Variants in EXOC4 observed in about 807,000 individuals in gnomAD.
The protein encoded by EXOC4 is exocyst complex component 4.
Under a neutral mutation model 107.2 loss-of-function variants are expected in EXOC4, and 71 were observed. The observed-to-expected ratio is 0.66, with a 90% CI of 0.55 to 0.81. EXOC4 has a LOEUF of 0.81. EXOC4 is among the 30% of genes least tolerant of loss of function. EXOC4 has a pLI of 0.00. For synonymous variants in EXOC4, 456 were observed against 441.2 expected (o/e 1.03, Z -0.42); for missense variants, 1,108 against 1,189.6 (o/e 0.93, Z 1.01).
Position 133,700,991 on chromosome 7 carries a change from A to T in EXOC4, c.1514+70850A>T, listed in dbSNP as rs1024002324. 2.2e-4 allele frequency among the ~76,000 whole-genome samples: 33 copies of T among 152,138 alleles called. 1 individual carries two copies. Among genetic ancestry groups the T allele is most frequent in the Admixed American group, 2.2e-3 (33 of 15,280 alleles). Reference sequence around the variant, plus strand: ...CCCTGTCTGTATCAAGAAAAAAAAAATATAATGTATTCTTACCTGGTGTAA... The same window carrying T: ...CCCTGTCTGTATCAAGAAAAAAAAATTATAATGTATTCTTACCTGGTGTAA... On this transcript the variant is annotated intron_variant, in intron 10 of 17. Transcript: ENST00000253861.
the EXOC4 span, among the ~76,000 whole-genome samples, chr7:134,086,594 T>A: frequency 1.3e-5 from 2 of 152,190 alleles, no homozygotes; most frequent in Non-Finnish European, 2.9e-5. Context: ...TTCAAAAATA[T>A]TTCCCTCTCA....
chr7:133,397,325 G>A (rs1471997166), intron 7 of EXOC4, among the ~76,000 whole-genome samples: 4 of 151,116 alleles, frequency 2.6e-5, no homozygotes, highest in Non-Finnish European at 5.9e-5. Flanking sequence ...GTAGAGAAGG[G>A]GTTTCTCCAT....
At chr7:133,876,063 G>T (rs902142170) in intron 11 of EXOC4, among the ~76,000 whole-genome samples, 7 of 152,154 alleles carry the variant, frequency 4.6e-5, no homozygotes, top group African/African-American at 1.7e-4. Flanking sequence ...TTCACAGATA[G>T]GTAGGTAGGC....
chr7:133,604,844 CTCCTGAG>C (rs1801901649), intron 9 of EXOC4, among the ~76,000 whole-genome samples: 1 of 150,694 alleles, frequency 6.6e-6, no homozygotes, highest in African/African-American at 2.4e-5. Context: ...CTGCCTCAGC[CTCCTGAG>C]TAGCTGGGAT....
At chr7:133,372,366 T>C (rs866624609) in intron 6 of EXOC4, among the ~76,000 whole-genome samples, 6 of 152,282 alleles carry the variant, frequency 3.9e-5, no homozygotes, top group Middle Eastern at 6.8e-3. Context: ...CTTTCCTTCC[T>C]CCCTGTGTAG....
chr7:133,708,436 T>C (rs1794815410), intron 10 of EXOC4, among the ~76,000 whole-genome samples: 1 of 152,192 alleles, frequency 6.6e-6, no homozygotes, highest in Non-Finnish European at 1.5e-5. Flanking sequence ...TAATTGACAT[T>C]GAATGGATTG....
At chr7:133,898,271 C>T (rs1799367375) in intron 12 of EXOC4, among the ~76,000 whole-genome samples, 1 of 151,856 alleles carries the variant, frequency 6.6e-6, no homozygotes, top group African/African-American at 2.4e-5. Flanking sequence ...TATAGTTTTT[C>T]AAAATTATTT....
chr7:133,558,009 C>A (rs1800727633), intron 9 of EXOC4, among the ~76,000 whole-genome samples: 2 of 151,976 alleles, frequency 1.3e-5, no homozygotes, highest in Non-Finnish European at 2.9e-5. Context: ...ACAAAAAACC[C>A]CAGCAAATAT....
chr7:133,323,241 A>G (rs188009050), intron 5 of EXOC4, among the ~76,000 whole-genome samples: 2 of 152,238 alleles, frequency 1.3e-5, no homozygotes, highest in East Asian at 1.9e-4. Flanking sequence ...AGAACTTCCA[A>G]TAGTATGTTG....
At position 133,503,194 on chromosome 7, in the gene EXOC4, ACT is replaced by A. The variant is rs1321724794; in HGVS notation, c.1417+23059_1417+23060del. 2.0e-5 allele frequency among the ~76,000 whole-genome samples: 3 copies of A among 151,788 alleles called. No individual in the cohort carries two copies. The East Asian group carries it at 5.8e-4, about 29-fold the overall frequency. On this transcript the variant is annotated intron_variant, in intron 9 of 17. Coordinates refer to ENST00000253861, the MANE Select transcript of EXOC4 (RefSeq NM_021807.4). The stretch of plus-strand genomic sequence containing the variant: ...GAGAATTGGTTGATAGTCTTGTGTG[ACT>A]CTGGTTTCTCTCATATTCTCCTAGC...
intron 7 of EXOC4, among the ~76,000 whole-genome samples, chr7:133,408,742 A>G (rs1797285748): frequency 6.6e-6 from 1 of 152,160 alleles, no homozygotes; most frequent in Non-Finnish European, 1.5e-5. Context: ...ACCAAAGTCC[A>G]CATACTTCAC....
chr7:133,879,505 A>G (rs1010140328), intron 11 of EXOC4, among the ~76,000 whole-genome samples: 1 of 152,222 alleles, frequency 6.6e-6, no homozygotes, highest in Non-Finnish European at 1.5e-5. Context: ...GAAAGATAGC[A>G]CAAATGCATA....
At chr7:133,757,623 T>C (rs1470874783) in intron 10 of EXOC4, among the ~76,000 whole-genome samples, 2 of 152,230 alleles carry the variant, frequency 1.3e-5, no homozygotes, top group African/African-American at 4.8e-5. Flanking sequence ...TGCAAAACCC[T>C]TCTATATTAA....
intron 17 of EXOC4, among the ~76,000 whole-genome samples, chr7:134,028,280 A>T (rs1795191135): frequency 6.6e-6 from 1 of 152,222 alleles, no homozygotes; most frequent in Non-Finnish European, 1.5e-5. Context: ...CCTTGTTGCT[A>T]AGTAAATGCA....
At chr7:133,621,217 C>T (rs1231651422) in intron 9 of EXOC4, among the ~76,000 whole-genome samples, 1 of 152,152 alleles carries the variant, frequency 6.6e-6, no homozygotes, top group Non-Finnish European at 1.5e-5. Context: ...CTTGTCCTTC[C>T]ACTCCTCTTT....
intron 10 of EXOC4, among the ~76,000 whole-genome samples, chr7:133,783,804 G>C (rs140024402): frequency 4.8e-4 from 73 of 152,298 alleles, no homozygotes; most frequent in Non-Finnish European, 8.8e-4. Context: ...GTACAGATTT[G>C]GGGCTGTGAT....
chr7:133,771,961 T>C (rs189665924), intron 10 of EXOC4, among the ~76,000 whole-genome samples: 183 of 152,058 alleles, frequency 1.2e-3, no homozygotes, highest in Admixed American at 2.6e-3. Flanking sequence ...AGATCCCTCA[T>C]AGGCCCCAGG....
chr7:133,799,599 A>G (rs1796890782), intron 10 of EXOC4, among the ~76,000 whole-genome samples: 1 of 152,260 alleles, frequency 6.6e-6, no homozygotes, highest in Non-Finnish European at 1.5e-5. Context: ...TCAAATGGCC[A>G]TTATGCAGAG....
intron 10 of EXOC4, among the ~76,000 whole-genome samples, chr7:133,783,291 G>A (rs1276841299): frequency 6.6e-6 from 1 of 152,128 alleles, no homozygotes; most frequent in Non-Finnish European, 1.5e-5. Context: ...TGTTGCCCGT[G>A]TTGCCAAGGC....
Sources: gnomAD v4.1 joint callset for allele counts (sites outside exome capture counted in the v4.1 genomes callset) on GRCh38, gnomAD v4.1.1 for gene constraint, MANE v1.5 for transcripts, NCBI Gene and HGNC (gene_info 2026-07-23, HGNC 2026-07-21) for gene names.